ARHGAP29: variants seen among roughly 807,000 people sequenced by gnomAD.
ARHGAP29 encodes rho GTPase-activating protein 29.
In ARHGAP29, 43 loss-of-function variants were observed where a neutral mutation model predicts 122.6. That is an observed-to-expected ratio of 0.35 (90% CI 0.27 to 0.45). The LOEUF is 0.45. Ranked by LOEUF, ARHGAP29 falls within the 20% of genes least tolerant of loss-of-function variation. The pLI is 1.00. For synonymous variants in ARHGAP29, 506 were observed against 497.1 expected (o/e 1.02, Z -0.24); for missense variants, 1,303 against 1,477.2 (o/e 0.88, Z 1.93).
At chr1:94,313,054 AGT>A in the ARHGAP29 span, among the ~76,000 whole-genome samples, 2 of 152,346 alleles carry the variant, frequency 1.3e-5, no homozygotes, top group South Asian at 4.1e-4. Flanking sequence ...ATGTCTAATG[AGT>A]GTGTGAAACC....
chr1:94,249,140 C>T (rs1330544792), intron 1 of ARHGAP29, among the ~76,000 whole-genome samples: 1 of 152,244 alleles, frequency 6.6e-6, no homozygotes, highest in African/African-American at 2.4e-5. Flanking sequence ...ACCAAATCCT[C>T]TAACACTGAC....
At chr1:94,251,272 G>A (rs994865793) in intron 1 of ARHGAP29, among the ~76,000 whole-genome samples, 2 of 150,808 alleles carry the variant, frequency 1.3e-5, no homozygotes, top group East Asian at 2.0e-4. Context: ...CCGGGTTCAC[G>A]CCATTCTCCT....
At chr1:94,200,132 T>C (rs533365671) in intron 12 of ARHGAP29, among the ~76,000 whole-genome samples, 47 of 152,186 alleles carry the variant, frequency 3.1e-4, no homozygotes, top group African/African-American at 8.9e-4. Flanking sequence ...AACTGATAAG[T>C]TGGATTCCAA....
chr1:94,266,306 C>T (rs926997740), intron 1 of ARHGAP29, among the ~76,000 whole-genome samples: 2 of 152,136 alleles, frequency 1.3e-5, no homozygotes, highest in Non-Finnish European at 2.9e-5. Flanking sequence ...TCCTTGGTTT[C>T]CTCCTGATTA....
chr1:94,246,767 T>C (rs926114594), intron 1 of ARHGAP29, among the ~76,000 whole-genome samples: 1 of 152,084 alleles, frequency 6.6e-6, no homozygotes, highest in Non-Finnish European at 1.5e-5. Context: ...CTGGGACACC[T>C]AGTGAAACAA....
the ARHGAP29 span, among the ~76,000 whole-genome samples, chr1:94,305,752 T>C: frequency 2.0e-5 from 3 of 152,192 alleles, no homozygotes; most frequent in African/African-American, 7.2e-5. Flanking sequence ...TCAAAAGGAA[T>C]CAGAATCTGA....
chr1:94,217,010 T>C (rs1308280273), intron 3 of ARHGAP29, among the ~76,000 whole-genome samples: 1 of 152,180 alleles, frequency 6.6e-6, no homozygotes. Context: ...AAATAAAAAA[T>C]ATGGGTAAAG....
intron 1 of ARHGAP29, among the ~76,000 whole-genome samples, chr1:94,261,549 T>G (rs943246904): frequency 1.3e-5 from 2 of 152,148 alleles, no homozygotes; most frequent in African/African-American, 4.8e-5. Context: ...ATAAATAATT[T>G]CAGCTGTCTC....
intron 5 of ARHGAP29, among the ~76,000 whole-genome samples, chr1:94,206,333 A>G (rs1362999145): frequency 1.3e-5 from 2 of 152,174 alleles, no homozygotes; most frequent in African/African-American, 4.8e-5. Context: ...ATCATTTACC[A>G]AAATTTTGAG....
chr1:94,209,112 C>A (rs1408034918), intron 4 of ARHGAP29, 142 bp downstream of exon 4: 9 of 777,974 alleles, frequency 1.2e-5, no homozygotes, highest in East Asian at 1.1e-4. Flanking sequence ...AGTAATAAGG[C>A]CATACAGAAG....
chr1:94,180,267 A>G (rs1359725815), intron 19 of ARHGAP29, among the ~76,000 whole-genome samples: 1 of 152,200 alleles, frequency 6.6e-6, no homozygotes, highest in Non-Finnish European at 1.5e-5. Flanking sequence ...CGACTCCCCC[A>G]AAGTTAGTAT....
rs1648972126 is a variant in ARHGAP29, at chr1:94,174,620, C to G, written c.3035G>C (p.Arg1012Thr). 1 of 1,613,958 alleles carries G rather than the reference C, an allele frequency of 6.2e-7. No individual in the cohort carries two copies. Among genetic ancestry groups the G allele is most frequent in the South Asian group, 1.1e-5 (1 of 91,080 alleles). Residue 1012 changes from arginine (R) to threonine (T), a missense_variant, in exon 23 of 23, where the codon AGG (arginine) becomes ACG (threonine). Arg to Thr is a moderately conservative substitution (Grantham distance 71, BLOSUM62 -1). Coordinates refer to ENST00000260526, the MANE Select transcript of ARHGAP29 (RefSeq NM_004815.4). ...STNNVERHTP[R>T]TKIRPVSLPV... is the part of the protein sequence containing the mutation. Reference sequence around the variant, plus strand: ...CAAACTTACAGGTCTAATCTTGGTCCTTGGAGTATGCCTCTCCACATTGTT... The same window carrying G: ...CAAACTTACAGGTCTAATCTTGGTCGTTGGAGTATGCCTCTCCACATTGTT...
chr1:94,196,256 CTTTTTT>C (rs917635883), intron 12 of ARHGAP29, among the ~76,000 whole-genome samples: 27 of 91,148 alleles, frequency 3.0e-4, no homozygotes, highest in South Asian at 2.2e-3. Flanking sequence ...CCGTGTTTTT[CTTTTTT>C]TTTTTTTTTT....
At chr1:94,290,516 G>A in the ARHGAP29 span, among the ~76,000 whole-genome samples, 1 of 152,008 alleles carries the variant, frequency 6.6e-6, no homozygotes, top group African/African-American at 2.4e-5. Context: ...TGTGATGTTA[G>A]GGCATCAATT....
At chr1:94,276,780 CAAAAAAAAAAAAAAAA>C (rs34090768), upstream of ARHGAP29, among the ~76,000 whole-genome samples, 23 of 40,638 alleles carry the variant, frequency 5.7e-4, no homozygotes, top group South Asian at 0.021. Context: ...GACCCTGTCT[CAAAAAAAAAAAAAAAA>C]AAAAAAAAAA....
the ARHGAP29 span, among the ~76,000 whole-genome samples, chr1:94,308,390 T>C: frequency 1.3e-5 from 2 of 152,160 alleles, no homozygotes. Flanking sequence ...TCTCTTCCAG[T>C]TAGGTCATGC....
chr1:94,228,199 A>G (rs1416838863), intron 2 of ARHGAP29, among the ~76,000 whole-genome samples: 2 of 151,768 alleles, frequency 1.3e-5, no homozygotes, highest in African/African-American at 2.4e-5. Flanking sequence ...GCAGACATTT[A>G]TATTTTTTCT....
chr1:94,281,272 A>T, the ARHGAP29 span, among the ~76,000 whole-genome samples: 2 of 152,170 alleles, frequency 1.3e-5, no homozygotes, highest in Non-Finnish European at 2.9e-5. Context: ...CACACATTTA[A>T]ACTCCCTTTC....
intron 22 of ARHGAP29, chr1:94,177,385 TA>T (rs1649160558): frequency 2.7e-6 from 1 of 368,634 alleles, no homozygotes; most frequent in African/African-American, 2.1e-5. Context: ...AAAAACATTA[TA>T]AACTCCAAGA....
Sources: allele counts gnomAD v4.1 joint callset (sites outside exome capture counted in the v4.1 genomes callset), GRCh38; gene constraint gnomAD v4.1.1; transcripts MANE v1.5; gene names NCBI Gene and HGNC (gene_info 2026-07-23, HGNC 2026-07-21).